SV2C: variants seen among roughly 807,000 people sequenced by gnomAD.
The protein encoded by SV2C is solute carrier family 22 member B3.
Under a neutral mutation model 79.7 loss-of-function variants are expected in SV2C, and 49 were observed. The observed-to-expected ratio is 0.61, with a 90% CI of 0.49 to 0.78. SV2C has a LOEUF of 0.78. Among genes scored for constraint, SV2C ranks in the 30% least tolerant of loss-of-function variants. The pLI is 0.00. For synonymous variants in SV2C, 334 were observed against 333.2 expected, an observed-to-expected ratio of 1.00 and a Z score of -0.03; for missense variants, 833 against 912.9, an observed-to-expected ratio of 0.91 and a Z score of 1.13.
At chr5:76,104,000 T>C (rs1747823839) in intron 1 of SV2C, among the ~76,000 whole-genome samples, 1 of 152,146 alleles carries the variant, frequency 6.6e-6, no homozygotes, top group Non-Finnish European at 1.5e-5. Flanking sequence ...CAGAAATGTA[T>C]AAAAAGTATA....
chr5:76,261,069 C>A (rs748074921), intron 4 of SV2C, among the ~76,000 whole-genome samples: 3 of 152,184 alleles, frequency 2.0e-5, no homozygotes, highest in Non-Finnish European at 4.4e-5. Flanking sequence ...TTCTTCCTAT[C>A]CATGAGCATG....
chr5:76,104,425 A>T (rs1052200292), intron 1 of SV2C, among the ~76,000 whole-genome samples: 1 of 152,186 alleles, frequency 6.6e-6, no homozygotes, highest in African/African-American at 2.4e-5. Context: ...CCAGGCTGGA[A>T]TGCAGTGGCT....
chr5:75,935,045 TTTTAAAATATATTTCC>T, the SV2C span, among the ~76,000 whole-genome samples: 1 of 152,288 alleles, frequency 6.6e-6, no homozygotes. Flanking sequence ...ATGTTGCTAT[TTTTAAAATATATTTCC>T]TATATGGTTA....
the SV2C span, among the ~76,000 whole-genome samples, chr5:75,973,094 C>A: frequency 2.4e-4 from 36 of 151,938 alleles, no homozygotes; most frequent in Non-Finnish European, 4.7e-4. Flanking sequence ...CCAAACACTA[C>A]ATGTTCTCCC....
rs150871842 is a variant in SV2C at position 76,269,306 on chromosome 5, C to G, written c.914-15856C>G. 6.0e-4 allele frequency among the ~76,000 whole-genome samples: 91 copies of G among 152,190 alleles called. 3 individuals are homozygous for G. In the East Asian group the frequency reaches 0.017, roughly 28 times the overall value. Reference sequence around the variant, plus strand: ...GATGTATAAAATAAAAATACAGGACCCTTAGTTACGTTTGAATTCCAAATA... The same window carrying G: ...GATGTATAAAATAAAAATACAGGACGCTTAGTTACGTTTGAATTCCAAATA... On this transcript the variant is annotated intron_variant, in intron 4 of 12. Coordinates refer to ENST00000502798, the MANE Select transcript of SV2C (RefSeq NM_014979.4).
At chr5:75,850,882 T>C in the SV2C span, among the ~76,000 whole-genome samples, 1 of 152,156 alleles carries the variant, frequency 6.6e-6, no homozygotes, top group Non-Finnish European at 1.5e-5. Flanking sequence ...CTTGGATTTT[T>C]CTATCAGCCG....
chr5:75,954,160 A>G, the SV2C span, among the ~76,000 whole-genome samples: 1 of 151,924 alleles, frequency 6.6e-6, no homozygotes, highest in East Asian at 1.9e-4. Context: ...GTCAAAGGGG[A>G]CGCACTGCCT....
intron 4 of SV2C, among the ~76,000 whole-genome samples, chr5:76,226,528 GA>G (rs770168632): frequency 2.0e-5 from 3 of 152,172 alleles, no homozygotes; most frequent in Non-Finnish European, 2.9e-5. Flanking sequence ...TTCTTATAGA[GA>G]TACAATTTAC....
intron 2 of SV2C, among the ~76,000 whole-genome samples, chr5:76,175,196 A>G (rs543480407): frequency 6.6e-6 from 1 of 152,268 alleles, no homozygotes; most frequent in East Asian, 1.9e-4. Flanking sequence ...GTTGGCCTTC[A>G]CAGAATCAGA....
the SV2C span, among the ~76,000 whole-genome samples, chr5:76,028,297 T>C: frequency 6.6e-6 from 1 of 152,232 alleles, no homozygotes; most frequent in African/African-American, 2.4e-5. Flanking sequence ...TCTTTGTTGT[T>C]TCAAATGGGA....
At chr5:75,912,236 G>A in the SV2C span, among the ~76,000 whole-genome samples, 2 of 152,146 alleles carry the variant, frequency 1.3e-5, no homozygotes, top group Non-Finnish European at 2.9e-5. Flanking sequence ...CAGAGATAGT[G>A]AACAAATCTG....
At chr5:76,321,168 G>C (rs1748814863) in intron 12 of SV2C, among the ~76,000 whole-genome samples, 1 of 152,120 alleles carries the variant, frequency 6.6e-6, no homozygotes, top group Admixed American at 6.5e-5. Flanking sequence ...ATTAGGTACA[G>C]TACAAGTAGC....
chr5:76,117,495 G>T (rs975322433), intron 1 of SV2C, among the ~76,000 whole-genome samples: 18 of 152,120 alleles, frequency 1.2e-4, no homozygotes, highest in Non-Finnish European at 1.8e-4. Flanking sequence ...GGAGGAAAAA[G>T]GAGATGAGGA....
chr5:76,112,370 G>C (rs1398730276), intron 1 of SV2C, among the ~76,000 whole-genome samples: 1 of 152,174 alleles, frequency 6.6e-6, no homozygotes, highest in Non-Finnish European at 1.5e-5. Context: ...TCTCTGGGGG[G>C]AGATAATTGC....
At chr5:76,265,324 G>A (rs1162432572) in intron 4 of SV2C, among the ~76,000 whole-genome samples, 5 of 152,146 alleles carry the variant, frequency 3.3e-5, no homozygotes, top group African/African-American at 1.2e-4. Context: ...GAGTGTCCCA[G>A]GTGGACTTCA....
the SV2C span, among the ~76,000 whole-genome samples, chr5:75,947,415 C>T: frequency 1.3e-5 from 2 of 150,926 alleles, no homozygotes; most frequent in South Asian, 2.1e-4. Context: ...TCTCTATCTG[C>T]CCCCCTTGGA....
chr5:76,029,112 G>GA, the SV2C span, among the ~76,000 whole-genome samples: 19 of 152,060 alleles, frequency 1.2e-4, no homozygotes, highest in Non-Finnish European at 2.4e-4. Context: ...TAAATTGCCA[G>GA]AAAAAATTGT....
the SV2C span, among the ~76,000 whole-genome samples, chr5:76,005,443 C>A: frequency 2.6e-5 from 4 of 152,268 alleles, no homozygotes; most frequent in East Asian, 3.9e-4. Context: ...GCTCTATATA[C>A]CCTTCATGGT....
intron 1 of SV2C, among the ~76,000 whole-genome samples, chr5:76,116,904 A>G (rs887905703): frequency 3.9e-5 from 6 of 152,008 alleles, no homozygotes; most frequent in Non-Finnish European, 7.4e-5. Context: ...GAATGAAGAC[A>G]CTCTGGGTGC....
Sources: gnomAD v4.1 joint callset for allele counts (sites outside exome capture counted in the v4.1 genomes callset) on GRCh38, gnomAD v4.1.1 for gene constraint, MANE v1.5 for transcripts, NCBI Gene and HGNC (gene_info 2026-07-23, HGNC 2026-07-21) for gene names.